The following AMBP variants were observed in gnomAD, a reference collection of about 807,000 sequenced individuals.
AMBP encodes protein AMBP.
In AMBP, 37 loss-of-function variants were observed where a neutral mutation model predicts 46.3. The observed-to-expected ratio is 0.80, with a 90% CI of 0.61 to 1.05. The LOEUF (loss-of-function observed/expected upper bound fraction) is 1.05. AMBP is among the 50% of genes least tolerant of loss of function. The probability of loss-of-function intolerance (pLI) is 0.00; values close to 1 mark genes in which losing one functional copy is unlikely to be tolerated. For missense variants in AMBP, 475 were observed against 461.2 expected (o/e 1.03, Z -0.27); for synonymous variants, 174 against 175.9 (o/e 0.99, Z 0.09).
chr9:114,070,185 T>G (rs548405281), intron 5 of AMBP, among the ~76,000 whole-genome samples: 3 of 152,202 alleles, frequency 2.0e-5, no homozygotes, highest in East Asian at 3.9e-4. Context: ...CGAACCCAGG[T>G]GCTCTTGATG....
intron 6 of AMBP, among the ~76,000 whole-genome samples, chr9:114,063,173 G>A (rs570827397): frequency 1.3e-5 from 2 of 150,706 alleles, no homozygotes; most frequent in African/African-American, 4.9e-5. Context: ...ATCATCATTA[G>A]CTGCTTGCAG....
chr9:114,062,701 C>T lies in AMBP; in HGVS notation c.661G>A (p.Val221Ile). 1 of 1,613,970 alleles carries T rather than the reference C, an allele frequency of 6.2e-7. No homozygotes were observed. Among genetic ancestry groups the T allele is most frequent in the Non-Finnish European group, 8.5e-7 (1 of 1,180,010 alleles). Residue 221 changes from valine to isoleucine, a missense_variant, in exon 7 of 10, where the codon GTA (valine) becomes ATA (isoleucine). Val to Ile is a conservative substitution (Grantham distance 29). Transcript: ENST00000265132. ...CCTTCTTTCTTGGTGACTTCAGTTA[C>T]CAGTTGCCCACCCCCTGATCCTTCC... ...EEEGSGGGQL[V>I]TEVTKKEDSC... is the part of the protein sequence containing the mutation.
intron 6 of AMBP, among the ~76,000 whole-genome samples, chr9:114,068,196 A>C (rs538811456): frequency 1.3e-5 from 2 of 152,342 alleles, no homozygotes; most frequent in South Asian, 4.1e-4. Flanking sequence ...CAGCCTCTTA[A>C]ATGTCTTTTC....
chr9:114,063,438 C>T (rs1846662234), intron 6 of AMBP, among the ~76,000 whole-genome samples: 1 of 152,236 alleles, frequency 6.6e-6, no homozygotes, highest in Admixed American at 6.5e-5. Flanking sequence ...GGCAACAAAA[C>T]ACTGTGAAAA....
At chr9:114,062,866 G>T in intron 6 of AMBP, 108 bp from the exon 7 acceptor site, 1 of 1,097,460 alleles carries the variant, frequency 9.1e-7, no homozygotes. Context: ...ATCAGGGTAG[G>T]TAGGAACACA....
At chr9:114,060,469 G>A (rs1160023245) in intron 9 of AMBP, among the ~76,000 whole-genome samples, 199 bp from the exon 10 acceptor site, 1 of 152,166 alleles carries the variant, frequency 6.6e-6, no homozygotes, top group African/African-American at 2.4e-5. Flanking sequence ...TCAAGGCACA[G>A]ACATCTTCAA....
rs1016963100 is a variant in AMBP at position 114,061,424 on chromosome 9, C to T, written c.853G>A (p.Ala285Thr). ...CACAGGGGTGGGGACCCGCACTCAC[C>T]CACAGTTCGGCAGGTCTGCAGACAC... ...KECLQTCRTV[A>T]ACNLPIVRGP... Residue 285 changes from alanine to threonine, a missense_variant and splice_region_variant, in exon 8 of 10, where the codon GCG (alanine) becomes ACG (threonine). By Grantham distance (58) the Ala-to-Thr change is moderately conservative. Around this residue, in one of 3 missense-constraint regions of AMBP, gnomAD observed 293 missense variants for 276.9 expected, o/e 1.06. Transcript: ENST00000265132. 1 of 1,614,008 alleles carries T rather than the reference C, an allele frequency of 6.2e-7. No homozygotes were observed. Among genetic ancestry groups the T allele is most frequent in the African/African-American group, 1.3e-5 (1 of 74,932 alleles).
At chr9:114,066,784 T>A (rs1471430772) in intron 6 of AMBP, among the ~76,000 whole-genome samples, 1 of 152,122 alleles carries the variant, frequency 6.6e-6, no homozygotes, top group African/African-American at 2.4e-5. Flanking sequence ...AAGGCAAAGA[T>A]GCTCCTGGAT....
chr9:114,066,495 G>T (rs548808257), intron 6 of AMBP, among the ~76,000 whole-genome samples: 4 of 151,846 alleles, frequency 2.6e-5, no homozygotes, highest in Admixed American at 2.6e-4. Context: ...CCCGCAGAAT[G>T]CTGGGATTAT....
At chr9:114,074,901 A>ACATCAAGGTATGAGCTGAGG in intron 3 of AMBP, 59 bp downstream of exon 3, 1 of 1,447,914 alleles carries the variant, frequency 6.9e-7, no homozygotes, top group Non-Finnish European at 9.7e-7. Flanking sequence ...GGAGCTGAGG[A>ACATCAAGGTATGAGCTGAGG]CATCAAGGTA....
At chr9:114,066,872 C>T (rs1846700363) in intron 6 of AMBP, among the ~76,000 whole-genome samples, 1 of 152,136 alleles carries the variant, frequency 6.6e-6, no homozygotes, top group Admixed American at 6.5e-5. Context: ...AGAGAGATTT[C>T]CCTCAAACAC....
chr9:114,073,957 G>T, intron 4 of AMBP, 79 bp downstream of exon 4: 1 of 1,367,982 alleles, frequency 7.3e-7, no homozygotes, highest in Non-Finnish European at 1.0e-6. Flanking sequence ...AACTCCCTGT[G>T]CTTACCCACT....
intron 6 of AMBP, among the ~76,000 whole-genome samples, chr9:114,068,360 G>A (rs1846712688): frequency 6.6e-6 from 1 of 152,098 alleles, no homozygotes; most frequent in African/African-American, 2.4e-5. Context: ...AGCACTTTGG[G>A]AGACCAAAGC....
intron 7 of AMBP, among the ~76,000 whole-genome samples, chr9:114,062,284 T>C (rs1367525193): frequency 6.6e-6 from 1 of 152,196 alleles, no homozygotes; most frequent in Non-Finnish European, 1.5e-5. Flanking sequence ...AGTTGTTATG[T>C]CATGGACACT....
intron 1 of AMBP, 44 bp downstream of exon 1, chr9:114,078,049 C>A (rs1399215395): frequency 9.4e-6 from 15 of 1,600,534 alleles, no homozygotes; most frequent in Non-Finnish European, 1.3e-5. Context: ...TGCCTGGACT[C>A]CCCATCACCA....
In AMBP at chr9:114,061,071, C is replaced by G. The variant is rs1278542148; in HGVS notation, c.881G>C (p.Gly294Ala). 1.8e-5 allele frequency: 29 copies of G among 1,614,116 alleles called. No individual in the cohort carries two copies. The highest frequency in any genetic ancestry group is 2.3e-5 in the Non-Finnish European group (27 of 1,180,006). Residue 294 changes from glycine to alanine, a missense_variant, in exon 9 of 10, where the codon GGC becomes GCC. Gly to Ala is a moderately conservative substitution (Grantham distance 60). Around this residue, in one of 3 missense-constraint regions of AMBP, gnomAD observed 293 missense variants for 276.9 expected, o/e 1.06. Coordinates refer to ENST00000265132, the MANE Select transcript of AMBP (RefSeq NM_001633.4). The stretch of plus-strand genomic sequence containing the variant: ...GAGCTGGATGAAGGCTCGGCAGGGG[C>G]CCCGGACTATGGGGAGATTGCAGGC... ...VAACNLPIVR[G>A]PCRAFIQLWA...
chr9:114,078,037 T>C, intron 1 of AMBP, 56 bp downstream of exon 1: 1 of 1,576,830 alleles, frequency 6.3e-7, no homozygotes, highest in Non-Finnish European at 8.7e-7. Context: ...GCAGGGCCCA[T>C]CTGCCTGGAC....
chr9:114,061,214 A>G, intron 8 of AMBP, 116 bp from the exon 9 acceptor site: 3 of 1,415,438 alleles, frequency 2.1e-6, no homozygotes, highest in Non-Finnish European at 2.9e-6. Flanking sequence ...TCCCTCGTTG[A>G]CAGATGGGGA....
intron 9 of AMBP, 49 bp downstream of exon 9, chr9:114,060,876 G>C (rs1044389440): frequency 6.3e-7 from 1 of 1,579,434 alleles, no homozygotes; most frequent in African/African-American, 1.3e-5. Context: ...CTCCCACCTC[G>C]ACTCCAACAG....
Sources: allele counts gnomAD v4.1 joint callset (sites outside exome capture counted in the v4.1 genomes callset), GRCh38; gene constraint gnomAD v4.1.1; regional missense constraint gnomAD v4.1.1; transcripts MANE v1.5; gene names NCBI Gene and HGNC (gene_info 2026-07-23, HGNC 2026-07-21).